The following PODXL variants were observed in gnomAD, a reference collection of about 807,000 sequenced individuals.
PODXL encodes podocalyxin like.
In PODXL, 20 loss-of-function variants were observed where a neutral mutation model predicts 48.9. The ratio of observed to expected loss-of-function variants is 0.41; its 90% CI spans 0.29 to 0.59. The LOEUF is 0.59. Among genes scored for constraint, PODXL ranks in the 20% least tolerant of loss-of-function variants. The probability of loss-of-function intolerance (pLI) is 0.31; values close to 1 mark genes in which losing one functional copy is unlikely to be tolerated. For missense variants in PODXL, 606 were observed against 675.1 expected, an observed-to-expected ratio of 0.90 and a Z score of 1.13; for synonymous variants, 295 against 287.4, an observed-to-expected ratio of 1.03 and a Z score of -0.27.
At chr7:131,545,959 G>A (rs1001991174) in intron 1 of PODXL, among the ~76,000 whole-genome samples, 4 of 152,372 alleles carry the variant, frequency 2.6e-5, no homozygotes, top group African/African-American at 4.8e-5. Context: ...CTGAGGCACA[G>A]AGCAATGCCC....
At chr7:131,504,839 A>G (rs1359813219) in intron 8 of PODXL, among the ~76,000 whole-genome samples, 2 of 152,094 alleles carry the variant, frequency 1.3e-5, no homozygotes, top group African/African-American at 2.4e-5. Flanking sequence ...TACCTCACCT[A>G]TCATAATGAA....
chr7:131,534,398 A>C (rs1478491882), intron 1 of PODXL, among the ~76,000 whole-genome samples: 1 of 152,166 alleles, frequency 6.6e-6, no homozygotes, highest in African/African-American at 2.4e-5. Context: ...TGTCAGCCTC[A>C]AGTTCTACCC....
At chr7:131,542,307 G>A (rs756656573) in intron 1 of PODXL, among the ~76,000 whole-genome samples, 4 of 152,154 alleles carry the variant, frequency 2.6e-5, no homozygotes, top group Non-Finnish European at 5.9e-5. Context: ...CAGATGTCTA[G>A]GCCAAGTTTA....
rs1323099333 is a variant in PODXL at position 131,501,156 on chromosome 7, T to A, written c.*3155A>T. On this transcript the variant is annotated 3_prime_UTR_variant, in exon 9 of 9. Coordinates refer to ENST00000378555, the MANE Select transcript of PODXL (RefSeq NM_001018111.3). ...TACAAGACAAATACTTTATCATAAG[T>A]TTGTCTTGTTATATTTCATTTTTTG... 1.3e-5 allele frequency: 2 copies of A among 152,414 alleles called. No individual in the cohort carries two copies. The highest frequency in any genetic ancestry group is 4.8e-5 in the African/African-American group (2 of 41,342). 9.4% of individuals were successfully genotyped at this position (152,414 alleles called of 1,614,324 possible).
chr7:131,516,223 T>C (rs1797993287), intron 1 of PODXL, among the ~76,000 whole-genome samples: 1 of 152,198 alleles, frequency 6.6e-6, no homozygotes. Flanking sequence ...TGTCAGAAAT[T>C]CCCTGGAACA....
chr7:131,507,775 A>G (rs958542814), intron 5 of PODXL, among the ~76,000 whole-genome samples: 1 of 152,166 alleles, frequency 6.6e-6, no homozygotes, highest in Non-Finnish European at 1.5e-5. Flanking sequence ...CCCAGAGCCC[A>G]TATCATGCAA....
intron 1 of PODXL, among the ~76,000 whole-genome samples, chr7:131,533,212 C>T (rs1798312319): frequency 6.6e-6 from 1 of 152,164 alleles, no homozygotes; most frequent in South Asian, 2.1e-4. Flanking sequence ...CCCTCCCCGT[C>T]CCTTCCCTGG....
chr7:131,547,149 G>A (rs1011098504), intron 1 of PODXL, among the ~76,000 whole-genome samples: 46 of 152,140 alleles, frequency 3.0e-4, no homozygotes, highest in Non-Finnish European at 4.3e-4. Context: ...CTGATTAGGC[G>A]GATCACCTGA....
chr7:131,504,602 A>G, intron 8 of PODXL, 94 bp from the exon 9 acceptor site: 1 of 1,040,596 alleles, frequency 9.6e-7, no homozygotes, highest in South Asian at 1.4e-5. Context: ...CAGGAGCCCC[A>G]CTGTAGCTAA....
At chr7:131,507,205 G>C (rs1251347232) in intron 5 of PODXL, among the ~76,000 whole-genome samples, 1 of 152,224 alleles carries the variant, frequency 6.6e-6, no homozygotes, top group Non-Finnish European at 1.5e-5. Context: ...GCAGCTCTCA[G>C]CAGAAGGGTC....
Position 131,509,496 on chromosome 7 carries a change from G to C in PODXL, c.892C>G (p.Pro298Ala), listed in dbSNP as rs35893129. 110,345 of 1,613,380 alleles carry C rather than the reference G, an allele frequency of 0.068. 4,364 individuals are homozygous for C. The highest frequency in any genetic ancestry group is 0.077 in the Non-Finnish European group (90,626 of 1,179,460). The change falls in exon 4 of 9, where the codon CCC becomes GCC. Residue 298 changes from proline (P) to alanine (A), a missense_variant. Coordinates refer to ENST00000378555, the MANE Select transcript of PODXL (RefSeq NM_001018111.3). Reference protein sequence around the residue: ...TAPSSQETVQPTSPATALRTP... With the variant: ...TAPSSQETVQATSPATALRTP... ...CTCAATGCCGTTGCCGGGCTCGTGG[G>C]CTGCACTGTCTCCTGGGAGGAAGGG...
chr7:131,556,228 G>C, intron 1 of PODXL, 32 bp downstream of exon 1: 1 of 1,448,442 alleles, frequency 6.9e-7, no homozygotes, highest in East Asian at 2.9e-5. Context: ...GGCACGGTGG[G>C]AGTCCCGGCG....
chr7:131,537,782 G>A (rs953977155), intron 1 of PODXL, among the ~76,000 whole-genome samples: 2 of 152,208 alleles, frequency 1.3e-5, no homozygotes, highest in Non-Finnish European at 1.5e-5. Context: ...ATTCGGGGTT[G>A]TGTCTGTTGT....
intron 1 of PODXL, among the ~76,000 whole-genome samples, chr7:131,523,799 A>AT (rs111266089): frequency 2.5e-3 from 357 of 144,958 alleles, no homozygotes; most frequent in African/African-American, 6.1e-3. Context: ...CATCTAACAA[A>AT]TTTTTTTTTT....
At chr7:131,542,616 C>G (rs1015567947) in intron 1 of PODXL, among the ~76,000 whole-genome samples, 2 of 152,152 alleles carry the variant, frequency 1.3e-5, no homozygotes, top group South Asian at 2.1e-4. Context: ...ATGTTTGTGC[C>G]ACTGTACTCC....
intron 1 of PODXL, among the ~76,000 whole-genome samples, chr7:131,538,429 C>T (rs1009641343): frequency 7.9e-5 from 12 of 152,162 alleles, no homozygotes; most frequent in Non-Finnish European, 1.6e-4. Flanking sequence ...ATGACCTCTA[C>T]AGTCTCACCT....
intron 1 of PODXL, among the ~76,000 whole-genome samples, chr7:131,535,690 T>C (rs1798363502): frequency 6.6e-6 from 1 of 152,230 alleles, no homozygotes; most frequent in Non-Finnish European, 1.5e-5. Context: ...AAAACTTTAC[T>C]GACAAATACA....
Position 131,534,439 on chromosome 7 carries a change from G to A in PODXL, c.100+21821C>T, listed in dbSNP as rs1302154790. Among the ~76,000 whole-genome samples, 6 of 152,344 alleles carry A rather than the reference G, an allele frequency of 3.9e-5. No individual in the cohort carries two copies. In the East Asian group the frequency reaches 9.7e-4, roughly 25 times the overall value. On this transcript the variant is annotated intron_variant, in intron 1 of 8. Coordinates refer to ENST00000378555, the MANE Select transcript of PODXL (RefSeq NM_001018111.3). ...ATGACCCCGCACCCCATCCTGGCGG[G>A]GCAAGGCCGCCACCTGTGAGAGCTC...
chr7:131,526,114 T>G (rs1376758786), intron 1 of PODXL, among the ~76,000 whole-genome samples: 1 of 152,170 alleles, frequency 6.6e-6, no homozygotes, highest in East Asian at 1.9e-4. Context: ...GAACCAAGGC[T>G]CCTTGGAGAA....
Sources: gnomAD v4.1 joint callset for allele counts (sites outside exome capture counted in the v4.1 genomes callset) on GRCh38, gnomAD v4.1.1 for gene constraint, MANE v1.5 for transcripts, NCBI Gene and HGNC (gene_info 2026-07-23, HGNC 2026-07-21) for gene names.